MICU1: variants seen among roughly 807,000 people sequenced by gnomAD.
The protein encoded by MICU1 is calcium uptake protein 1, mitochondrial.
MICU1 carries 45 observed loss-of-function variants against 56.8 expected under a neutral mutation model. The observed-to-expected ratio is 0.79, with a 90% confidence interval of 0.62 to 1.02. The LOEUF (loss-of-function observed/expected upper bound fraction) is 1.02. MICU1 is among the 50% of genes least tolerant of loss of function. The probability of loss-of-function intolerance (pLI) is 0.00; values close to 1 mark genes in which losing one functional copy is unlikely to be tolerated. For missense variants in MICU1, 504 were observed against 587.1 expected (o/e 0.86, Z 1.46); for synonymous variants, 186 against 195.1 (o/e 0.95, Z 0.39).
intron 10 of MICU1, among the ~76,000 whole-genome samples, chr10:72,402,387 T>A (rs1863484266): frequency 1.3e-5 from 2 of 152,158 alleles, no homozygotes. Context: ...GTATACACAA[T>A]CAATAGCTTA....
intron 1 of MICU1, among the ~76,000 whole-genome samples, chr10:72,590,448 A>T (rs962594968): frequency 6.6e-6 from 1 of 152,202 alleles, no homozygotes; most frequent in East Asian, 1.9e-4. Flanking sequence ...CAGTTCTAGA[A>T]TAATAGGTAG....
intron 1 of MICU1, among the ~76,000 whole-genome samples, chr10:72,616,659 A>G (rs1046544075): frequency 6.6e-6 from 1 of 152,036 alleles, no homozygotes; most frequent in African/African-American, 2.4e-5. Flanking sequence ...GGGAAAAAAA[A>G]AAAAAAAACA....
chr10:72,556,933 C>T (rs746205240), intron 3 of MICU1, among the ~76,000 whole-genome samples: 2 of 151,872 alleles, frequency 1.3e-5, no homozygotes, highest in East Asian at 2.0e-4. Context: ...GGCGTAGTGT[C>T]GGGTGTCTGT....
chr10:72,505,726 C>T (rs552839256), intron 6 of MICU1, among the ~76,000 whole-genome samples: 5 of 152,116 alleles, frequency 3.3e-5, no homozygotes, highest in Non-Finnish European at 7.4e-5. Context: ...AACCAAATAC[C>T]GCACGTTCTC....
chr10:72,495,414 G>A (rs1156362310), intron 6 of MICU1, among the ~76,000 whole-genome samples: 1 of 152,124 alleles, frequency 6.6e-6, no homozygotes, highest in Admixed American at 6.5e-5. Flanking sequence ...CCAGCACTTT[G>A]GGAGCCCAAG....
chr10:72,564,932 C>A (rs952942607), intron 2 of MICU1, among the ~76,000 whole-genome samples: 4 of 152,074 alleles, frequency 2.6e-5, no homozygotes, highest in African/African-American at 9.7e-5. Flanking sequence ...CCTCACTGAA[C>A]ACCCAAGGCA....
At chr10:72,564,896 A>G (rs1207654955) in intron 2 of MICU1, among the ~76,000 whole-genome samples, 1 of 152,162 alleles carries the variant, frequency 6.6e-6, no homozygotes, top group Non-Finnish European at 1.5e-5. Flanking sequence ...GAAACAATCA[A>G]GCTCTACCAA....
chr10:72,569,780 C>T (rs1261193876), intron 1 of MICU1, among the ~76,000 whole-genome samples: 1 of 152,110 alleles, frequency 6.6e-6, no homozygotes, highest in Non-Finnish European at 1.5e-5. Flanking sequence ...TTATGACCTT[C>T]AGGGCTCAGT....
chr10:72,595,651 A>T (rs561060518), intron 1 of MICU1, among the ~76,000 whole-genome samples: 1 of 152,284 alleles, frequency 6.6e-6, no homozygotes, highest in South Asian at 2.1e-4. Context: ...ACAAAAACAA[A>T]GCTCTTGGTC....
rs534892983 is a variant in MICU1, at chr10:72,621,980, C to A, written c.-2+4030G>T. 1.0e-3 allele frequency among the ~76,000 whole-genome samples: 158 copies of A among 152,304 alleles called. 1 individual carries two copies. The highest frequency in any genetic ancestry group is 0.01 in the Middle Eastern group (3 of 294). Reference sequence around the variant, plus strand: ...CCAGGCTGGAGTGCAGTGGCACGATCTCAGCTCACTGCAAGCTCTGCCTCC... The same window carrying A: ...CCAGGCTGGAGTGCAGTGGCACGATATCAGCTCACTGCAAGCTCTGCCTCC... On this transcript the variant is annotated intron_variant, in intron 1 of 11. Coordinates refer to ENST00000361114, the MANE Select transcript of MICU1 (RefSeq NM_001195518.2).
intron 10 of MICU1, among the ~76,000 whole-genome samples, chr10:72,388,931 G>A (rs893135880): frequency 1.3e-5 from 2 of 152,224 alleles, no homozygotes; most frequent in Non-Finnish European, 2.9e-5. Flanking sequence ...CCACGATCAA[G>A]TGGCTTCATT....
chr10:72,583,645 G>C (rs943825641), intron 1 of MICU1, among the ~76,000 whole-genome samples: 1 of 152,104 alleles, frequency 6.6e-6, no homozygotes, highest in Admixed American at 6.6e-5. Context: ...GAAATTATTC[G>C]AGGAATGGGA....
intron 5 of MICU1, among the ~76,000 whole-genome samples, chr10:72,526,854 A>G (rs1320172532): frequency 6.6e-6 from 1 of 151,996 alleles, no homozygotes; most frequent in Non-Finnish European, 1.5e-5. Flanking sequence ...TTTGCTCAAA[A>G]AAAAACCTTG....
chr10:72,457,769 C>A (rs1865518245), intron 8 of MICU1, among the ~76,000 whole-genome samples: 1 of 151,904 alleles, frequency 6.6e-6, no homozygotes, highest in East Asian at 1.9e-4. Flanking sequence ...ACCACCACAA[C>A]AAAAAAACAC....
intron 1 of MICU1, among the ~76,000 whole-genome samples, chr10:72,580,452 T>G (rs886184165): frequency 4.4e-5 from 6 of 135,480 alleles, no homozygotes; most frequent in African/African-American, 1.7e-4. Flanking sequence ...TTTGCTGATT[T>G]ATTTATTTAT....
At chr10:72,513,475 A>G (rs920044306) in intron 5 of MICU1, among the ~76,000 whole-genome samples, 4 of 152,236 alleles carry the variant, frequency 2.6e-5, no homozygotes, top group African/African-American at 9.6e-5. Flanking sequence ...TATCATAGAC[A>G]TATCTGCAAA....
chr10:72,489,323 C>CACACAA (rs56105505), intron 6 of MICU1, among the ~76,000 whole-genome samples: 1 of 116,240 alleles, frequency 8.6e-6, no homozygotes, highest in East Asian at 2.2e-4. Flanking sequence ...CACACACACA[C>CACACAA]AAAAATAAAA....
At chr10:72,377,557 T>C (rs1158923635) in intron 10 of MICU1, among the ~76,000 whole-genome samples, 4 of 152,204 alleles carry the variant, frequency 2.6e-5, no homozygotes, top group African/African-American at 9.6e-5. Flanking sequence ...TATGTTAGAA[T>C]TGGGTTCTCA....
chr10:72,418,215 A>C (rs1310526513), intron 9 of MICU1, among the ~76,000 whole-genome samples: 2 of 152,316 alleles, frequency 1.3e-5, no homozygotes, highest in Non-Finnish European at 2.9e-5. Context: ...GGGTGGGGAC[A>C]CAGCCAAACC....
Sources: allele counts gnomAD v4.1 joint callset (sites outside exome capture counted in the v4.1 genomes callset), GRCh38; gene constraint gnomAD v4.1.1; transcripts MANE v1.5; gene names NCBI Gene and HGNC (gene_info 2026-07-23, HGNC 2026-07-21).